PARVA: variants seen among roughly 807,000 people sequenced by gnomAD.
The protein encoded by PARVA is parvin alpha.
In PARVA, 25 loss-of-function variants were observed where a neutral mutation model predicts 52.6. The observed-to-expected ratio is 0.48, with a 90% confidence interval of 0.35 to 0.66. The LOEUF (loss-of-function observed/expected upper bound fraction) is 0.66. Ranked by LOEUF, PARVA falls within the 30% of genes least tolerant of loss-of-function variation. The pLI is 0.01. For synonymous variants in PARVA, 185 were observed against 179.1 expected (o/e 1.03, Z -0.26); for missense variants, 373 against 450.9 (o/e 0.83, Z 1.56).
chr11:12,503,593 A>G (rs933936), intron 5 of PARVA, among the ~76,000 whole-genome samples: 4,116 of 152,160 alleles, frequency 0.027, 178 homozygotes, highest in African/African-American at 0.093. Context: ...GGGGCCAGGC[A>G]TGGTGGCACA....
At chr11:12,377,213 C>T, upstream of PARVA, 1 of 323,652 alleles carries the variant, frequency 3.1e-6, no homozygotes, top group Non-Finnish European at 5.5e-6. Flanking sequence ...GCAGAGCGAG[C>T]TCACCAGCCG....
chr11:12,436,684 C>T (rs1326362370), intron 1 of PARVA, among the ~76,000 whole-genome samples: 6 of 151,988 alleles, frequency 3.9e-5, no homozygotes, highest in Admixed American at 3.3e-4. Flanking sequence ...ATATATAAGG[C>T]ATTTTTGCTT....
Position 12,532,682 on chromosome 11 carries a change from G to A in PARVA, c.*4757G>A, listed in dbSNP as rs1027290503. Reference sequence around the variant, plus strand: ...AGATTTAAGGTCATGAGAAGTCTCCGGCAAAGTGGCATTTTAAAGTAATCC... The same window carrying A: ...AGATTTAAGGTCATGAGAAGTCTCCAGCAAAGTGGCATTTTAAAGTAATCC... On this transcript the variant is annotated 3_prime_UTR_variant, in exon 13 of 13. Transcript: ENST00000334956. Among the ~76,000 whole-genome samples, 1 of 152,126 alleles carries A rather than the reference G, an allele frequency of 6.6e-6. No homozygotes were observed. The highest frequency in any genetic ancestry group is 1.5e-5 in the Non-Finnish European group (1 of 68,028).
chr11:12,384,914 G>A (rs1236119784), intron 1 of PARVA, among the ~76,000 whole-genome samples: 1 of 152,176 alleles, frequency 6.6e-6, no homozygotes, highest in Non-Finnish European at 1.5e-5. Context: ...GGAAGGCTCG[G>A]GAAGACTTTG....
intron 1 of PARVA, among the ~76,000 whole-genome samples, chr11:12,472,319 C>T (rs148502595): frequency 2.0e-5 from 3 of 152,304 alleles, no homozygotes; most frequent in Non-Finnish European, 2.9e-5. Flanking sequence ...CATTGCAGCC[C>T]GTGAGCTGTG....
chr11:12,475,710 T>G (rs1280102497), intron 3 of PARVA, among the ~76,000 whole-genome samples: 1 of 150,090 alleles, frequency 6.7e-6, no homozygotes, highest in Non-Finnish European at 1.5e-5. Flanking sequence ...AGGGAGTCTG[T>G]GCCCTGACCC....
rs561664821 is a variant in PARVA at position 12,418,329 on chromosome 11, C to T, written c.136+40546C>T. Among the ~76,000 whole-genome samples the T allele has an allele frequency of 2.0e-5, 3 of 152,310 alleles. No individual in the cohort carries two copies. In the East Asian group the frequency reaches 5.8e-4, roughly 30 times the overall value. On this transcript the variant is annotated intron_variant, in intron 1 of 12. Coordinates refer to ENST00000334956, the MANE Select transcript of PARVA (RefSeq NM_018222.5). ...GATGGTGCCCAGCAGGCCCCGCCCA[C>T]AGGCCTCTGTGGCTTCCTGTTTGGG... is the stretch of plus-strand genomic sequence containing the variant.
chr11:12,496,415 G>A (rs547662623), intron 4 of PARVA, 43 bp from the exon 5 acceptor site: 4 of 1,584,048 alleles, frequency 2.5e-6, no homozygotes, highest in African/African-American at 1.3e-5. Context: ...GGTTGTCTGG[G>A]GCCCAGCATA....
intron 1 of PARVA, among the ~76,000 whole-genome samples, chr11:12,380,537 TG>T (rs1939469224): frequency 6.6e-6 from 1 of 150,894 alleles, no homozygotes; most frequent in African/African-American, 2.5e-5. Flanking sequence ...CTGAACCCAG[TG>T]GGAAGCCATC....
At chr11:12,398,760 A>T (rs1266186703) in intron 1 of PARVA, among the ~76,000 whole-genome samples, 1 of 152,086 alleles carries the variant, frequency 6.6e-6, no homozygotes, top group African/African-American at 2.4e-5. Context: ...GCATGGAACC[A>T]GGCTCATATA....
chr11:12,388,370 G>A (rs562577018), intron 1 of PARVA, among the ~76,000 whole-genome samples: 1 of 152,324 alleles, frequency 6.6e-6, no homozygotes, highest in East Asian at 1.9e-4. Context: ...TTAGTAAACC[G>A]ACACGTGACC....
At chr11:12,447,117 A>T (rs1297949120) in intron 1 of PARVA, among the ~76,000 whole-genome samples, 1 of 152,204 alleles carries the variant, frequency 6.6e-6, no homozygotes, top group Non-Finnish European at 1.5e-5. Context: ...GTAATGTAGC[A>T]GTTTATACTT....
At position 12,429,033 on chromosome 11, in the gene PARVA, A is replaced by G. The variant is rs562704595; in HGVS notation, c.137-44712A>G. On this transcript the variant is annotated intron_variant, in intron 1 of 12. Coordinates refer to ENST00000334956, the MANE Select transcript of PARVA (RefSeq NM_018222.5). The stretch of plus-strand genomic sequence containing the variant: ...CTCTCTGTTGCCTAGGCTGGAGTGC[A>G]GCAGTGCGATCATAGCTCACTGCAG... Among the ~76,000 whole-genome samples, 9 of 152,266 alleles carry G rather than the reference A, an allele frequency of 5.9e-5. No individual in the cohort carries two copies. The South Asian group carries it at 1.9e-3, about 32-fold the overall frequency.
intron 1 of PARVA, among the ~76,000 whole-genome samples, chr11:12,395,843 T>G (rs1939735174): frequency 6.6e-6 from 1 of 152,140 alleles, no homozygotes; most frequent in Non-Finnish European, 1.5e-5. Context: ...AAATCAATAT[T>G]TTGGAGGCAG....
intron 1 of PARVA, among the ~76,000 whole-genome samples, chr11:12,396,799 A>G (rs1939753241): frequency 6.6e-6 from 1 of 152,220 alleles, no homozygotes; most frequent in South Asian, 2.1e-4. Context: ...AAGGGTAGAA[A>G]TATAAAATGA....
chr11:12,492,117 TTG>T (rs1941241579), intron 4 of PARVA, among the ~76,000 whole-genome samples: 1 of 152,224 alleles, frequency 6.6e-6, no homozygotes, highest in Non-Finnish European at 1.5e-5. Context: ...TATATGACAA[TTG>T]TGTTTGTTAG....
intron 1 of PARVA, among the ~76,000 whole-genome samples, chr11:12,461,032 CTCACA>C (rs1473944048): frequency 1.3e-5 from 2 of 152,148 alleles, no homozygotes; most frequent in African/African-American, 4.8e-5. Context: ...GTCCCCCCCT[CTCACA>C]TTAAAACATC....
intron 1 of PARVA, among the ~76,000 whole-genome samples, chr11:12,390,299 G>T (rs890021923): frequency 6.6e-6 from 1 of 152,196 alleles, no homozygotes; most frequent in East Asian, 1.9e-4. Context: ...CCCCTGGTGG[G>T]GATGGGGAAG....
intron 1 of PARVA, among the ~76,000 whole-genome samples, chr11:12,403,915 T>C (rs903215402): frequency 2.0e-5 from 3 of 152,200 alleles, no homozygotes; most frequent in Non-Finnish European, 2.9e-5. Context: ...TAACCCTCTC[T>C]CACCAAATGC....
Sources: gnomAD v4.1 joint callset for allele counts (sites outside exome capture counted in the v4.1 genomes callset) on GRCh38, gnomAD v4.1.1 for gene constraint, MANE v1.5 for transcripts, NCBI Gene and HGNC (gene_info 2026-07-23, HGNC 2026-07-21) for gene names.